LIPF: variants seen among roughly 807,000 people sequenced by gnomAD.
LIPF encodes gastric triacylglycerol lipase.
A neutral mutation model predicts 38.0 loss-of-function variants in LIPF; 25 were observed. The ratio of observed to expected loss-of-function variants is 0.66; its 90% CI spans 0.48 to 0.92. The LOEUF (loss-of-function observed/expected upper bound fraction) is 0.92, where lower values mean the gene tolerates loss of function less well. LIPF is among the 40% of genes least tolerant of loss of function. The pLI, the probability that LIPF is intolerant of heterozygous loss-of-function variation, is 0.00. For missense variants in LIPF, 410 were observed against 469.9 expected (o/e 0.87, Z 1.18); for synonymous variants, 161 against 156.2 (o/e 1.03, Z -0.23).
rs1411496472 is a variant in LIPF, at chr10:88,678,643, A to G, written c.1159A>G (p.Asn387Asp). 1.9e-6 allele frequency: 3 copies of G among 1,612,568 alleles called. No individual in the cohort carries two copies. Among genetic ancestry groups the G allele is most frequent in the Admixed American group, 1.7e-5 (1 of 59,998 alleles). ...WAMDAPQEVY[N>D]DIVSMISEDK... Reference sequence around the variant, plus strand: ...AATGGATGCCCCTCAAGAAGTTTACAATGACATTGTTTCTATGATATCAGA... The same window carrying G: ...AATGGATGCCCCTCAAGAAGTTTACGATGACATTGTTTCTATGATATCAGA... Residue 387 changes from asparagine to aspartate, a missense_variant, in exon 10 of 10, where the codon AAT becomes GAT. Coordinates refer to ENST00000238983, the MANE Select transcript of LIPF (RefSeq NM_004190.4).
Position 88,677,487 on chromosome 10 carries a change from A to G in LIPF, c.961-958A>G, listed in dbSNP as rs577102989. Among the ~76,000 whole-genome samples the G allele has an allele frequency of 5.3e-5, 8 of 152,364 alleles. No homozygotes were observed. In the South Asian group the frequency reaches 1.2e-3, roughly 24 times the overall value. On this transcript the variant is annotated intron_variant, in intron 9 of 9. Coordinates refer to ENST00000238983, the MANE Select transcript of LIPF (RefSeq NM_004190.4). Reference sequence around the variant, plus strand: ...GGCCAGCATCTAGAAAACTCTTTGAATAATAGGATGTAAGTAAAATAAGCT... The same window carrying G: ...GGCCAGCATCTAGAAAACTCTTTGAGTAATAGGATGTAAGTAAAATAAGCT...
At chr10:88,665,670 A>G (rs769277068) in intron 1 of LIPF, 132 of 719,104 alleles carry the variant, frequency 1.8e-4, no homozygotes, top group Non-Finnish European at 2.8e-4. Context: ...ACTACTGGTT[A>G]GTCTTTATAT....
chr10:88,665,780 G>T (rs1841503903), intron 1 of LIPF, among the ~76,000 whole-genome samples: 2 of 117,986 alleles, frequency 1.7e-5, no homozygotes, highest in South Asian at 5.4e-4. Context: ...GTCTCACACT[G>T]TCTCCTGGGC....
intron 4 of LIPF, 146 bp from the exon 5 acceptor site, chr10:88,669,691 C>A (rs1841565314): frequency 6.2e-5 from 33 of 534,342 alleles, no homozygotes; most frequent in Non-Finnish European, 7.9e-5. Flanking sequence ...CAAAGGGCAC[C>A]TGACATCCAC....
chr10:88,669,268 A>G (rs1841559032), intron 4 of LIPF: 2 of 158,896 alleles, frequency 1.3e-5, no homozygotes, highest in South Asian at 3.6e-4. Context: ...ATGCTAAGGC[A>G]TGAAAGTGTT....
intron 7 of LIPF, 84 bp from the exon 8 acceptor site, chr10:88,675,502 C>A: frequency 3.0e-6 from 3 of 1,015,456 alleles, no homozygotes; most frequent in Admixed American, 3.9e-5. Flanking sequence ...TGACCTGAAT[C>A]AGAAAACATA....
intron 1 of LIPF, among the ~76,000 whole-genome samples, chr10:88,665,718 A>G (rs1212757436): frequency 2.6e-5 from 4 of 151,260 alleles, no homozygotes; most frequent in Admixed American, 1.3e-4. Context: ...CGGTAAAAAC[A>G]AGGCTTAGTT....
In LIPF at chr10:88,673,598, G is replaced by A; in HGVS notation, c.680G>A (p.Gly227Asp). 6.2e-7 allele frequency: 1 copy of A among 1,608,686 alleles called. No homozygotes were observed. The highest frequency in any genetic ancestry group is 8.5e-7 in the Non-Finnish European group (1 of 1,177,504). The change falls in exon 7 of 10, where the codon GGT becomes GAT. Residue 227 changes from glycine to aspartate, a missense_variant. Coordinates refer to ENST00000238983, the MANE Select transcript of LIPF (RefSeq NM_004190.4). ...VPQSLFKFIF[G>D]DKIFYPHNFF... Reference sequence around the variant, plus strand: ...GCCTTTATTTTTCAGTTTATATTTGGTGACAAAATATTCTACCCACACAAC... The same window carrying A: ...GCCTTTATTTTTCAGTTTATATTTGATGACAAAATATTCTACCCACACAAC...
intron 1 of LIPF, among the ~76,000 whole-genome samples, chr10:88,665,737 A>ATTTTTTTTTTTTTTTTT (rs68081693): frequency 6.1e-4 from 61 of 100,242 alleles, no homozygotes; most frequent in Non-Finnish European, 9.1e-4. Flanking sequence ...TTAAAAACTG[A>ATTTTTTTTTTTTTTTTT]TTTTTTTTTT....
In LIPF at chr10:88,669,861, C is replaced by G. The variant is rs1240274697; in HGVS notation, c.447C>G (p.Asp149Glu). The change falls in exon 5 of 10, where the codon GAC becomes GAG. Residue 149 changes from aspartate to glutamate, a missense_variant. By Grantham distance (45) the Asp-to-Glu change is conservative (BLOSUM62 2). Transcript: ENST00000238983. ...GCTTTGATGAAATGGCTAAATATGACCTTCCAGCCACAATCGACTTCATTG... is the reference window on the plus strand; with the variant it reads ...GCTTTGATGAAATGGCTAAATATGAGCTTCCAGCCACAATCGACTTCATTG... ...AFSFDEMAKY[D>E]LPATIDFIVK... The G allele has an allele frequency of 6.2e-7, 1 of 1,612,734 alleles. No individual in the cohort carries two copies.
At chr10:88,672,666 ACACACTCTCTCT>A (rs1011632207) in intron 6 of LIPF, among the ~76,000 whole-genome samples, 2 of 121,936 alleles carry the variant, frequency 1.6e-5, no homozygotes, top group African/African-American at 6.7e-5. Context: ...ACACACACAC[ACACACTCTCTCT>A]CTCTCTCTCT....
chr10:88,676,663 C>G (rs1167457295), intron 9 of LIPF, among the ~76,000 whole-genome samples: 40 of 152,120 alleles, frequency 2.6e-4, no homozygotes, highest in Admixed American at 2.6e-3. Flanking sequence ...TAAACAATAC[C>G]CTTTCCTTTG....
At chr10:88,666,928 A>C (rs752391211) in intron 1 of LIPF, among the ~76,000 whole-genome samples, 8 of 152,194 alleles carry the variant, frequency 5.3e-5, no homozygotes, top group Non-Finnish European at 1.0e-4. Flanking sequence ...ATAAGCAGGC[A>C]AAAGTCTTAA....
At chr10:88,666,810 A>T (rs1841518422) in intron 1 of LIPF, among the ~76,000 whole-genome samples, 1 of 152,252 alleles carries the variant, frequency 6.6e-6, no homozygotes, top group Admixed American at 6.5e-5. Context: ...TAACTATTAT[A>T]AACAACATTT....
rs760690509 is a variant in LIPF, at chr10:88,678,719, A to G, written c.*38A>G. On this transcript the variant is annotated 3_prime_UTR_variant, in exon 10 of 10. Coordinates refer to ENST00000238983, the MANE Select transcript of LIPF (RefSeq NM_004190.4). ...AGAATTATCCGTTTGTTTTTCCAAA[A>G]TACTTTATTCTCTCATACATAGTAT... 2.7e-5 allele frequency: 37 copies of G among 1,366,930 alleles called. No homozygotes were observed. The highest frequency in any genetic ancestry group is 3.8e-5 in the Non-Finnish European group (36 of 959,522). 84.7% of individuals were successfully genotyped at this position (1,366,930 alleles called of 1,614,324 possible). A position where few individuals can be genotyped will look rare whatever the true frequency, so the allele number is the denominator to read the frequency against.
chr10:88,673,942 CAACATGAAGAAAA>C (rs1215182228), intron 7 of LIPF, among the ~76,000 whole-genome samples: 3 of 152,044 alleles, frequency 2.0e-5, no homozygotes, highest in Non-Finnish European at 4.4e-5. Flanking sequence ...ACCAAATAAA[CAACATGAAGAAAA>C]AACACAATTC....
Position 88,673,689 on chromosome 10 carries a change from T to A in LIPF, c.771T>A (p.Asn257Lys), listed in dbSNP as rs781398572. The change falls in exon 7 of 10, where the codon AAT becomes AAA. Residue 257 changes from asparagine to lysine, a missense_variant. Asn to Lys is a moderately conservative substitution (Grantham distance 94). Transcript: ENST00000238983. ...SREMLNLLCS[N>K]ALFIICGFDS... is the part of the protein sequence containing the mutation. ...AGATGCTGAATCTCCTTTGCAGCAA[T>A]GCCTTATTTATAATTTGTGGATTTG... 1.2e-6 allele frequency: 2 copies of A among 1,613,194 alleles called. No homozygotes were observed. The highest frequency in any genetic ancestry group is 1.7e-6 in the Non-Finnish European group (2 of 1,179,250).
intron 1 of LIPF, chr10:88,665,602 G>A: frequency 6.8e-7 from 1 of 1,471,246 alleles, no homozygotes; most frequent in Non-Finnish European, 9.2e-7. Flanking sequence ...ATCACTTAAT[G>A]GAGGTCATGT....
intron 3 of LIPF, 137 bp from the exon 4 acceptor site, chr10:88,668,421 G>C (rs767412152): frequency 1.3e-6 from 1 of 756,426 alleles, no homozygotes; most frequent in East Asian, 2.7e-5. Context: ...CCACAATTAC[G>C]ATAAGATATT....
Sources: allele counts gnomAD v4.1 joint callset (sites outside exome capture counted in the v4.1 genomes callset), GRCh38; gene constraint gnomAD v4.1.1; transcripts MANE v1.5; gene names NCBI Gene and HGNC (gene_info 2026-07-23, HGNC 2026-07-21).